CHN2: variants seen among roughly 807,000 people sequenced by gnomAD.
The protein encoded by CHN2 is beta-chimaerin.
In CHN2, 35 loss-of-function variants were observed where a neutral mutation model predicts 56.3. The ratio of observed to expected loss-of-function variants is 0.62; its 90% confidence interval spans 0.47 to 0.82. The LOEUF (loss-of-function observed/expected upper bound fraction) is 0.82, where lower values mean the gene tolerates loss of function less well. Ranked by LOEUF, CHN2 falls within the 40% of genes least tolerant of loss-of-function variation. The pLI is 0.00. For synonymous variants in CHN2, 210 were observed against 212.8 expected (o/e 0.99, Z 0.12); for missense variants, 491 against 580.5 (o/e 0.85, Z 1.58).
chr7:29,360,508 A>G (rs1343232866), intron 2 of CHN2, among the ~76,000 whole-genome samples: 2 of 152,206 alleles, frequency 1.3e-5, no homozygotes, highest in African/African-American at 4.8e-5. Context: ...CAACAAGTGC[A>G]AAACCCCGTC....
intron 1 of CHN2, among the ~76,000 whole-genome samples, chr7:29,296,806 T>TG (rs1793197526): frequency 6.6e-6 from 1 of 152,250 alleles, no homozygotes; most frequent in Non-Finnish European, 1.5e-5. Context: ...AGATGTTTAA[T>TG]GAACTTACTA....
At chr7:29,510,727 T>C (rs528202283) in intron 12 of CHN2, among the ~76,000 whole-genome samples, 1 of 152,136 alleles carries the variant, frequency 6.6e-6, no homozygotes, top group East Asian at 1.9e-4. Context: ...CCTATTGCTT[T>C]TACCGTGTTT....
chr7:29,388,238 T>C (rs936572824), intron 3 of CHN2, among the ~76,000 whole-genome samples: 1 of 152,126 alleles, frequency 6.6e-6, no homozygotes, highest in African/African-American at 2.4e-5. Flanking sequence ...ATCCTGGAAA[T>C]AGGTGAATGA....
chr7:29,361,462 A>T (rs1367137694), intron 2 of CHN2, among the ~76,000 whole-genome samples: 1 of 152,194 alleles, frequency 6.6e-6, no homozygotes, highest in African/African-American at 2.4e-5. Context: ...GGAACAGCAT[A>T]GAACAGGGTT....
chr7:29,437,674 A>G (rs532492719), intron 6 of CHN2, among the ~76,000 whole-genome samples: 1 of 152,092 alleles, frequency 6.6e-6, no homozygotes, highest in Admixed American at 6.5e-5. Context: ...TCTTCCTGCT[A>G]AGAGGCTTAG....
intron 8 of CHN2, among the ~76,000 whole-genome samples, chr7:29,499,196 A>G (rs1218825067): frequency 1.3e-5 from 2 of 152,140 alleles, no homozygotes; most frequent in Non-Finnish European, 2.9e-5. Context: ...TAATCATCAC[A>G]TTACATTACA....
intron 6 of CHN2, among the ~76,000 whole-genome samples, chr7:29,418,445 T>C (rs1398920345): frequency 6.6e-6 from 1 of 152,256 alleles, no homozygotes; most frequent in African/African-American, 2.4e-5. Context: ...GTAGGTGCCT[T>C]TATTGGGATG....
rs1786945474 is a variant in CHN2, at chr7:29,479,844, G to A, written c.577-435G>A. Reference sequence around the variant, plus strand: ...TGGCTGACTGGATACCGCTTCTGGGGGTTGCTGTGCACATGAATGTTTGCT... The same window carrying A: ...TGGCTGACTGGATACCGCTTCTGGGAGTTGCTGTGCACATGAATGTTTGCT... On this transcript the variant is annotated intron_variant, in intron 6 of 12. Coordinates refer to ENST00000222792, the MANE Select transcript of CHN2 (RefSeq NM_004067.4). 2.3e-6 allele frequency: 3 copies of A among 1,321,470 alleles called. No homozygotes were observed. In the African/African-American group the frequency reaches 4.5e-5, roughly 20 times the overall value. 81.9% of individuals were successfully genotyped at this position (1,321,470 alleles called of 1,614,324 possible).
chr7:29,149,571 G>A (rs1793302853), intron 2 of CHN2, among the ~76,000 whole-genome samples: 1 of 152,216 alleles, frequency 6.6e-6, no homozygotes, highest in Non-Finnish European at 1.5e-5. Flanking sequence ...TAGGACAGGA[G>A]TATGTGCTTT....
intron 1 of CHN2, among the ~76,000 whole-genome samples, chr7:29,340,679 A>T (rs1475984489): frequency 1.3e-5 from 2 of 152,214 alleles, no homozygotes; most frequent in African/African-American, 4.8e-5. Context: ...CAGGGAGAAA[A>T]TATAGGACAA....
At chr7:29,273,632 C>T (rs1021376291) in intron 1 of CHN2, among the ~76,000 whole-genome samples, 2 of 151,728 alleles carry the variant, frequency 1.3e-5, no homozygotes, top group Non-Finnish European at 2.9e-5. Context: ...CTACATTCCC[C>T]CCAACATTAT....
chr7:29,149,175 G>C (rs76620095), intron 2 of CHN2, among the ~76,000 whole-genome samples: 7,523 of 147,864 alleles, frequency 0.051, 243 homozygotes, highest in Middle Eastern at 0.097. Flanking sequence ...TAGTAGATTG[G>C]GAAGTCTGTT....
intron 6 of CHN2, 57 bp downstream of exon 6, chr7:29,400,885 C>G: frequency 6.4e-7 from 1 of 1,554,022 alleles, no homozygotes; most frequent in Non-Finnish European, 8.8e-7. Context: ...CATCAACAGG[C>G]GGGTTAACTA....
intron 1 of CHN2, chr7:29,288,815 G>A (rs1429374426): frequency 6.6e-6 from 1 of 152,324 alleles, no homozygotes; most frequent in Admixed American, 6.5e-5. Context: ...TCTTAGAATG[G>A]AAAGCCAGGC....
At chr7:29,451,822 A>G (rs969426995) in intron 6 of CHN2, among the ~76,000 whole-genome samples, 2 of 152,116 alleles carry the variant, frequency 1.3e-5, no homozygotes, top group Admixed American at 6.5e-5. Flanking sequence ...GACAGGCCCA[A>G]ACCCAGAGCT....
chr7:29,407,423 G>A (rs1802754817), intron 6 of CHN2, among the ~76,000 whole-genome samples: 1 of 151,932 alleles, frequency 6.6e-6, no homozygotes, highest in Non-Finnish European at 1.5e-5. Flanking sequence ...ACCAAGCAGA[G>A]GCGTGCATTC....
chr7:29,280,279 G>C (rs1466246393), intron 1 of CHN2, among the ~76,000 whole-genome samples: 2 of 152,092 alleles, frequency 1.3e-5, no homozygotes, highest in Non-Finnish European at 2.9e-5. Context: ...AGCTACTCGG[G>C]AGGCTGAGGC....
At chr7:29,304,967 C>T (rs553519103) in intron 1 of CHN2, among the ~76,000 whole-genome samples, 212 of 152,268 alleles carry the variant, frequency 1.4e-3, no homozygotes, top group African/African-American at 4.7e-3. Context: ...GCGGAGGATA[C>T]GTCTGTTTCC....
At chr7:29,319,431 A>C (rs1266596615) in intron 1 of CHN2, among the ~76,000 whole-genome samples, 1 of 139,208 alleles carries the variant, frequency 7.2e-6, no homozygotes, top group Non-Finnish European at 1.6e-5. Context: ...CAGAAAGTCA[A>C]CTATCACCTT....
Sources: gnomAD v4.1 joint callset for allele counts (sites outside exome capture counted in the v4.1 genomes callset) on GRCh38, gnomAD v4.1.1 for gene constraint, MANE v1.5 for transcripts, NCBI Gene and HGNC (gene_info 2026-07-23, HGNC 2026-07-21) for gene names.